Variants in PPP2R2B observed in about 807,000 individuals in gnomAD.
The protein encoded by PPP2R2B is serine/threonine-protein phosphatase 2A 55 kDa regulatory subunit B beta isoform.
A neutral mutation model predicts 46.0 loss-of-function variants in PPP2R2B; 5 were observed. The observed-to-expected ratio is 0.11, with a 90% confidence interval of 0.06 to 0.23. The LOEUF (loss-of-function observed/expected upper bound fraction) is 0.23, where lower values mean the gene tolerates loss of function less well. Ranked by LOEUF, PPP2R2B falls within the 10% of genes least tolerant of loss-of-function variation. PPP2R2B has a pLI of 1.00. For missense variants in PPP2R2B, 367 were observed against 575.0 expected, an observed-to-expected ratio of 0.64 and a Z score of 3.70; for synonymous variants, 215 against 206.7, an observed-to-expected ratio of 1.04 and a Z score of -0.34.
At chr5:146,869,805 A>G (rs891837624) in intron 2 of PPP2R2B, among the ~76,000 whole-genome samples, 1 of 152,224 alleles carries the variant, frequency 6.6e-6, no homozygotes, top group African/African-American at 2.4e-5. Flanking sequence ...AATGTGAATT[A>G]TAATAATGCA....
intron 7 of PPP2R2B, 77 bp downstream of exon 7, chr5:146,638,174 T>C: frequency 6.9e-7 from 1 of 1,454,998 alleles, no homozygotes; most frequent in Non-Finnish European, 9.3e-7. Flanking sequence ...GAAAGGGAGA[T>C]CATAAGCTTC....
At chr5:147,004,318 C>T (rs1383617603) in intron 1 of PPP2R2B, among the ~76,000 whole-genome samples, 1 of 152,150 alleles carries the variant, frequency 6.6e-6, no homozygotes, top group Non-Finnish European at 1.5e-5. Context: ...AGCCCCCAAC[C>T]AGATGATGCA....
intron 7 of PPP2R2B, among the ~76,000 whole-genome samples, chr5:146,604,657 C>G (rs966146678): frequency 6.6e-6 from 1 of 152,160 alleles, no homozygotes; most frequent in African/African-American, 2.4e-5. Flanking sequence ...CTTCTTGGTC[C>G]TCAAGCTTTA....
intron 2 of PPP2R2B, among the ~76,000 whole-genome samples, chr5:146,797,812 A>G (rs1756633257): frequency 6.6e-6 from 1 of 152,196 alleles, no homozygotes; most frequent in South Asian, 2.1e-4. Context: ...CAGGACTCCA[A>G]CGCACAACTG....
chr5:146,915,490 T>G (rs556133310), intron 1 of PPP2R2B, among the ~76,000 whole-genome samples: 1 of 151,508 alleles, frequency 6.6e-6, no homozygotes, highest in East Asian at 1.9e-4. Flanking sequence ...ATGTGTGCAA[T>G]TTACATACCC....
At chr5:147,001,071 A>G (rs1429318616) in intron 1 of PPP2R2B, among the ~76,000 whole-genome samples, 1 of 152,080 alleles carries the variant, frequency 6.6e-6, no homozygotes, top group Non-Finnish European at 1.5e-5. Context: ...AGGTTTGTAA[A>G]TTCTCCAATC....
intron 1 of PPP2R2B, among the ~76,000 whole-genome samples, chr5:147,012,187 A>G (rs988167990): frequency 3.3e-5 from 5 of 151,906 alleles, no homozygotes; most frequent in Non-Finnish European, 5.9e-5. Flanking sequence ...GGTAGAATTC[A>G]GCTGTGAATT....
At chr5:146,603,016 A>C (rs2151021640) in intron 7 of PPP2R2B, among the ~76,000 whole-genome samples, 1 of 152,304 alleles carries the variant, frequency 6.6e-6, no homozygotes, top group South Asian at 2.1e-4. Context: ...GGGCTTAGTA[A>C]ATTGTGCTCT....
chr5:146,973,458 G>T (rs956642164), intron 1 of PPP2R2B, among the ~76,000 whole-genome samples: 9 of 152,202 alleles, frequency 5.9e-5, no homozygotes, highest in African/African-American at 2.2e-4. Context: ...TACTTCAGCA[G>T]CAGCCGAAGG....
chr5:147,016,134 G>A (rs936758516), intron 1 of PPP2R2B, among the ~76,000 whole-genome samples: 1 of 151,472 alleles, frequency 6.6e-6, no homozygotes, highest in South Asian at 2.1e-4. Flanking sequence ...CCAGGAGTTC[G>A]AGACCAGCCT....
rs1306702988 is a variant in PPP2R2B, at chr5:146,588,842, G to A, written c.*1105C>T. 1 of 152,124 alleles carries A rather than the reference G, an allele frequency of 6.6e-6. No homozygotes were observed. The highest frequency in any genetic ancestry group is 2.4e-5 in the African/African-American group (1 of 41,414). The allele number at this position is 152,124 out of a possible 1,614,324, so 9.4% of individuals were successfully genotyped here. ...TGGGGTGAGTTAGAAGTGCCTGATT[G>A]GACTTCACAACTCAGCGTTTTTATT... On this transcript the variant is annotated 3_prime_UTR_variant, in exon 10 of 10. Transcript: ENST00000394411.
At chr5:146,891,683 T>A (rs1429770462) in intron 1 of PPP2R2B, among the ~76,000 whole-genome samples, 1 of 152,184 alleles carries the variant, frequency 6.6e-6, no homozygotes, top group Non-Finnish European at 1.5e-5. Context: ...TAACTGTTAG[T>A]AATTTATGTG....
chr5:146,869,581 A>G (rs1761496446), intron 2 of PPP2R2B, among the ~76,000 whole-genome samples: 1 of 152,184 alleles, frequency 6.6e-6, no homozygotes, highest in Non-Finnish European at 1.5e-5. Context: ...CCCCAACTAT[A>G]TATCTGTACA....
At chr5:146,645,531 C>T (rs531799210) in intron 6 of PPP2R2B, among the ~76,000 whole-genome samples, 4 of 152,152 alleles carry the variant, frequency 2.6e-5, no homozygotes, top group Non-Finnish European at 2.9e-5. Flanking sequence ...CCACAGTTCC[C>T]CTGGAAGCCT....
chr5:146,668,673 G>A (rs1397521122), intron 5 of PPP2R2B, among the ~76,000 whole-genome samples: 1 of 151,982 alleles, frequency 6.6e-6, no homozygotes, highest in Non-Finnish European at 1.5e-5. Flanking sequence ...CTTTACTTTG[G>A]CTGTGTTTCC....
chr5:146,805,215 T>C (rs979231330), intron 2 of PPP2R2B, among the ~76,000 whole-genome samples: 61 of 152,254 alleles, frequency 4.0e-4, no homozygotes, highest in African/African-American at 1.4e-3. Context: ...CAGAAACCAT[T>C]TGGGGACCCT....
intron 2 of PPP2R2B, among the ~76,000 whole-genome samples, chr5:146,757,907 G>A (rs906921076): frequency 5.9e-5 from 9 of 152,112 alleles, no homozygotes; most frequent in African/African-American, 1.9e-4. Context: ...GAGGCCAAGC[G>A]GAACTCTTCC....
chr5:146,910,875 G>A (rs770827983), intron 1 of PPP2R2B, among the ~76,000 whole-genome samples: 21 of 152,074 alleles, frequency 1.4e-4, no homozygotes, highest in African/African-American at 2.4e-5. Context: ...ATCTTCTAAA[G>A]CTCTCCCTGA....
chr5:146,781,891 T>C lies in PPP2R2B; in HGVS notation c.71-80749A>G, dbSNP rs372463073. Among the ~76,000 whole-genome samples the C allele has an allele frequency of 5.9e-5, 9 of 152,290 alleles. No homozygotes were observed. The East Asian group carries it at 1.7e-3, about 29-fold the overall frequency. On this transcript the variant is annotated intron_variant, in intron 2 of 9. Coordinates refer to ENST00000394411, the MANE Select transcript of PPP2R2B (RefSeq NM_181675.4). The stretch of plus-strand genomic sequence containing the variant: ...GATTGGGATCTGTGTCACCACCAAA[T>C]CTCATGTTGAATTGCAATCCGTAAA...
Sources: allele counts gnomAD v4.1 joint callset (sites outside exome capture counted in the v4.1 genomes callset), GRCh38; gene constraint gnomAD v4.1.1; transcripts MANE v1.5; gene names NCBI Gene and HGNC (gene_info 2026-07-23, HGNC 2026-07-21).